The following CACNA2D1 variants were observed in gnomAD, a reference collection of about 807,000 sequenced individuals.
CACNA2D1 encodes the protein voltage-dependent calcium channel subunit alpha-2/delta-1.
A neutral mutation model predicts 171.5 loss-of-function variants in CACNA2D1; 53 were observed. The observed-to-expected ratio is 0.31, with a 90% CI of 0.25 to 0.39. The LOEUF is 0.39. CACNA2D1 is among the 10% of genes least tolerant of loss of function. CACNA2D1 has a pLI of 1.00. For missense variants in CACNA2D1, 903 were observed against 1,299.8 expected, an observed-to-expected ratio of 0.69 and a Z score of 4.69; for synonymous variants, 442 against 443.1, an observed-to-expected ratio of 1.00 and a Z score of 0.03.
intron 6 of CACNA2D1, among the ~76,000 whole-genome samples, chr7:82,097,425 G>A (rs184628710): frequency 6.3e-4 from 96 of 152,162 alleles, no homozygotes; most frequent in African/African-American, 1.9e-3. Flanking sequence ...CTAAAACAGC[G>A]GTGGTGGATA....
chr7:82,243,808 A>C (rs184416678), intron 3 of CACNA2D1, among the ~76,000 whole-genome samples: 2 of 152,270 alleles, frequency 1.3e-5, no homozygotes, highest in Admixed American at 6.5e-5. Context: ...ATATAACCTA[A>C]AATAGTGAAA....
At chr7:82,213,051 C>G (rs955413766) in intron 3 of CACNA2D1, among the ~76,000 whole-genome samples, 1 of 127,598 alleles carries the variant, frequency 7.8e-6, no homozygotes, top group Non-Finnish European at 1.9e-5. Context: ...CTGGTGCCCA[C>G]ACCACGCCCT....
At position 82,174,747 on chromosome 7, in the gene CACNA2D1, A is replaced by G. The variant is rs541968659; in HGVS notation, c.295-4138T>C. Among the ~76,000 whole-genome samples the G allele has an allele frequency of 4.7e-3, 721 of 152,268 alleles. 5 individuals carry two copies. The highest frequency in any genetic ancestry group is 8.2e-3 in the Non-Finnish European group (559 of 67,994). ...AAAGCCAGCAGCAACAACAAAAATC[A>G]TATTTTAGTTGGGAACCATCTTTAC... On this transcript the variant is annotated intron_variant, in intron 3 of 38. Transcript: ENST00000356860.
rs930925430 is a variant in CACNA2D1, at chr7:82,384,454, C to T, written c.96-34805G>A. Among the ~76,000 whole-genome samples the T allele has an allele frequency of 3.9e-5, 6 of 152,174 alleles. No homozygotes were observed. The South Asian group carries it at 1.2e-3, about 32-fold the overall frequency. ...TCACCAAAACTTGAATGAGTCGGCA[C>T]CTTATTCTTGGACTTCCAGCCTCCA... On this transcript the variant is annotated intron_variant, in intron 1 of 38. Coordinates refer to ENST00000356860, the MANE Select transcript of CACNA2D1 (RefSeq NM_000722.4).
chr7:82,429,919 T>C (rs978347113), intron 1 of CACNA2D1, among the ~76,000 whole-genome samples: 1 of 152,206 alleles, frequency 6.6e-6, no homozygotes, highest in African/African-American at 2.4e-5. Flanking sequence ...TAGAGCAGTC[T>C]GCACAGCCTC....
chr7:82,253,514 T>G (rs1248871363), intron 3 of CACNA2D1, among the ~76,000 whole-genome samples: 2 of 152,158 alleles, frequency 1.3e-5, no homozygotes, highest in Non-Finnish European at 2.9e-5. Flanking sequence ...TGGTTTCAGG[T>G]TACAAGGAAA....
At chr7:82,211,514 C>G (rs1429309921) in intron 3 of CACNA2D1, among the ~76,000 whole-genome samples, 1 of 152,190 alleles carries the variant, frequency 6.6e-6, no homozygotes, top group Non-Finnish European at 1.5e-5. Flanking sequence ...CCAGCTGCAT[C>G]TGTGTTGCTG....
intron 3 of CACNA2D1, among the ~76,000 whole-genome samples, chr7:82,208,264 T>C (rs1392082925): frequency 2.6e-5 from 4 of 152,176 alleles, no homozygotes; most frequent in Non-Finnish European, 5.9e-5. Context: ...GTAAATAATA[T>C]ACATTAACGA....
chr7:81,971,954 A>C (rs949661455), intron 25 of CACNA2D1, 90 bp from the exon 26 acceptor site: 50 of 807,410 alleles, frequency 6.2e-5, no homozygotes, highest in Admixed American at 3.9e-4. Context: ...AAAGCAATTT[A>C]GAGTAGATAT....
intron 11 of CACNA2D1, among the ~76,000 whole-genome samples, chr7:82,036,747 C>T (rs1019614639): frequency 2.0e-5 from 3 of 152,136 alleles, no homozygotes; most frequent in African/African-American, 7.2e-5. Context: ...AATTGGATAT[C>T]TCAAAAACTA....
intron 1 of CACNA2D1, among the ~76,000 whole-genome samples, chr7:82,441,072 T>C (rs1328079130): frequency 1.3e-5 from 2 of 152,056 alleles, no homozygotes; most frequent in African/African-American, 4.8e-5. Flanking sequence ...CACTCAGTTT[T>C]TATAAATTTG....
intron 4 of CACNA2D1, among the ~76,000 whole-genome samples, chr7:82,150,809 T>TA (rs557910932): frequency 3.9e-5 from 6 of 152,206 alleles, no homozygotes; most frequent in South Asian, 2.1e-4. Context: ...TGCTTCTTTG[T>TA]AAAAAAATTT....
intron 28 of CACNA2D1, 54 bp from the exon 29 acceptor site, chr7:81,969,027 A>C: frequency 9.8e-7 from 1 of 1,017,426 alleles, no homozygotes; most frequent in Non-Finnish European, 1.5e-6. Context: ...GAATAATAAT[A>C]TTGATTTTCC....
chr7:82,046,792 A>C (rs1262644006), intron 10 of CACNA2D1, among the ~76,000 whole-genome samples: 3 of 152,194 alleles, frequency 2.0e-5, no homozygotes, highest in Non-Finnish European at 4.4e-5. Context: ...GTAAATCATC[A>C]TTCATCAAAC....
At chr7:82,273,133 G>A (rs1808857359) in intron 3 of CACNA2D1, among the ~76,000 whole-genome samples, 2 of 152,016 alleles carry the variant, frequency 1.3e-5, no homozygotes, top group Admixed American at 1.3e-4. Context: ...CAACTTCGTT[G>A]CCTAAAAAAT....
chr7:82,017,566 A>G (rs1267924831), intron 12 of CACNA2D1, among the ~76,000 whole-genome samples: 1 of 151,992 alleles, frequency 6.6e-6, no homozygotes, highest in Non-Finnish European at 1.5e-5. Flanking sequence ...TAAATTCCAG[A>G]TGCTAAAGTC....
At chr7:81,997,672 A>G (rs1798188191) in intron 18 of CACNA2D1, among the ~76,000 whole-genome samples, 1 of 151,690 alleles carries the variant, frequency 6.6e-6, no homozygotes, top group Non-Finnish European at 1.5e-5. Context: ...TGTAAAAAAA[A>G]AAAAAAGTGT....
chr7:82,228,330 T>C (rs1313723787), intron 3 of CACNA2D1, among the ~76,000 whole-genome samples: 2 of 152,240 alleles, frequency 1.3e-5, no homozygotes, highest in African/African-American at 2.4e-5. Context: ...AAGGTGATAA[T>C]AGGCTGCCTG....
At chr7:82,365,420 CTCTTA>C (rs1484970554) in intron 1 of CACNA2D1, among the ~76,000 whole-genome samples, 2 of 152,170 alleles carry the variant, frequency 1.3e-5, no homozygotes, top group African/African-American at 2.4e-5. Flanking sequence ...GAAGACAATT[CTCTTA>C]TAAGACTATT....
Sources: gnomAD v4.1 joint callset for allele counts (sites outside exome capture counted in the v4.1 genomes callset) on GRCh38, gnomAD v4.1.1 for gene constraint, MANE v1.5 for transcripts, NCBI Gene and HGNC (gene_info 2026-07-23, HGNC 2026-07-21) for gene names.